The following RASSF5 variants were observed in gnomAD, a reference collection of about 807,000 sequenced individuals.
RASSF5 encodes the protein Ras association domain family member 5.
In RASSF5, 25 loss-of-function variants were observed where a neutral mutation model predicts 40.5. That is an observed-to-expected ratio of 0.62 (90% CI 0.45 to 0.86). The LOEUF (loss-of-function observed/expected upper bound fraction) is 0.86. Among genes scored for constraint, RASSF5 ranks in the 40% least tolerant of loss-of-function variants. RASSF5 has a pLI of 0.00. For synonymous variants in RASSF5, 246 were observed against 252.4 expected, an observed-to-expected ratio of 0.97 and a Z score of 0.24; for missense variants, 521 against 572.8, an observed-to-expected ratio of 0.91 and a Z score of 0.92.
intron 1 of RASSF5, among the ~76,000 whole-genome samples, chr1:206,509,958 C>T (rs1375404588): frequency 6.6e-6 from 1 of 152,126 alleles, no homozygotes; most frequent in Non-Finnish European, 1.5e-5. Context: ...CGCTCATGGT[C>T]CCCCACAGAG....
intron 1 of RASSF5, among the ~76,000 whole-genome samples, chr1:206,517,715 T>C (rs1470214716): frequency 2.0e-5 from 3 of 152,192 alleles, no homozygotes; most frequent in Non-Finnish European, 1.5e-5. Flanking sequence ...AGAACACCTG[T>C]GAGTACTGTT....
intron 1 of RASSF5, among the ~76,000 whole-genome samples, chr1:206,534,983 C>T (rs1478216454): frequency 6.6e-6 from 1 of 152,192 alleles, no homozygotes; most frequent in Non-Finnish European, 1.5e-5. Flanking sequence ...GTAATCCCAG[C>T]ACTTTGGGAG....
In RASSF5 at chr1:206,584,341, GCAAGGC is replaced by G. The variant is rs1449456620; in HGVS notation, c.691-45_691-40del. ...GGCCCCGAGTGGCAGATATGATCAT[GCAAGGC>G]GGACGGCCCTGACCCCCTGTGACAT... On this transcript the variant is annotated intron_variant, in intron 3 of 5. Transcript: ENST00000579436. This position sits in a 1 kb window ranked among gnomAD's most constrained non-coding sequence, Gnocchi z 4.9. The G allele has an allele frequency of 4.5e-6, 7 of 1,560,420 alleles. No homozygotes were observed. The highest frequency in any genetic ancestry group is 5.2e-6 in the Non-Finnish European group (6 of 1,151,018).
At chr1:206,570,308 G>GGTCT (rs1668408281) in intron 2 of RASSF5, among the ~76,000 whole-genome samples, 1 of 151,796 alleles carries the variant, frequency 6.6e-6, no homozygotes, top group South Asian at 2.1e-4. Flanking sequence ...TGGTCAGGAT[G>GGTCT]GTCTCAGACT....
chr1:206,520,645 G>A (rs1393420204), intron 1 of RASSF5, among the ~76,000 whole-genome samples: 1 of 151,464 alleles, frequency 6.6e-6, no homozygotes, highest in Non-Finnish European at 1.5e-5. Flanking sequence ...CAGGCTTGGA[G>A]CCAGGCTGCC....
At position 206,507,544 on chromosome 1, in the gene RASSF5, C is replaced by T; in HGVS notation, c.-59C>T. ...GGGCGGCCCCTTCTCTCGGGGCTGG[C>T]TCGGGAGTAGCGCAGTCGCCAAAGC... On this transcript the variant is annotated 5_prime_UTR_variant, in exon 1 of 6. Coordinates refer to ENST00000579436, the MANE Select transcript of RASSF5 (RefSeq NM_182663.4). 7.5e-7 allele frequency: 1 copy of T among 1,332,466 alleles called. No homozygotes were observed. The highest frequency in any genetic ancestry group is 3.2e-5 in the Admixed American group (1 of 31,700). 82.5% of individuals were successfully genotyped at this position (1,332,466 alleles called of 1,614,324 possible). A position where few individuals can be genotyped will look rare whatever the true frequency, so the allele number is the denominator to read the frequency against.
At chr1:206,533,195 A>G (rs1215178043) in intron 1 of RASSF5, among the ~76,000 whole-genome samples, 3 of 152,176 alleles carry the variant, frequency 2.0e-5, no homozygotes, top group African/African-American at 7.2e-5. Context: ...CCTGTGGGCC[A>G]TGTTTGAAGT....
chr1:206,531,771 C>T lies in RASSF5; in HGVS notation c.458-6401C>T, dbSNP rs533818111. Among the ~76,000 whole-genome samples the T allele has an allele frequency of 6.6e-6, 1 of 152,254 alleles. No homozygotes were observed. Among genetic ancestry groups the T allele is most frequent in the East Asian group, 1.9e-4 (1 of 5,180 alleles). On this transcript the variant is annotated intron_variant, in intron 1 of 5. Transcript: ENST00000579436. The surrounding 1 kb of genome is among the most constrained non-coding windows in gnomAD (Gnocchi z 4.7). ...CCTTTTAAAACTTTGGTAAATTGAG[C>T]CAGGCACGGTAATCCCAGAACTTTG...
intron 2 of RASSF5, among the ~76,000 whole-genome samples, chr1:206,575,181 C>T (rs1324324653): frequency 6.6e-6 from 1 of 152,102 alleles, no homozygotes; most frequent in South Asian, 2.1e-4. Flanking sequence ...TGCCTGCAGA[C>T]GTTCCCATCT....
intron 1 of RASSF5, among the ~76,000 whole-genome samples, chr1:206,537,046 C>T (rs1553398769): frequency 2.0e-5 from 3 of 152,160 alleles, no homozygotes; most frequent in African/African-American, 7.2e-5. Flanking sequence ...GCCCTTCCCT[C>T]GCCTCCCTGA....
Position 206,534,787 on chromosome 1 carries a change from G to C in RASSF5, c.458-3385G>C, listed in dbSNP as rs190576895. Among the ~76,000 whole-genome samples, 179 of 152,324 alleles carry C rather than the reference G, an allele frequency of 1.2e-3. 1 individual carries two copies. Among genetic ancestry groups the C allele is most frequent in the African/African-American group, 3.7e-3 (155 of 41,576 alleles). On this transcript the variant is annotated intron_variant, in intron 1 of 5. Coordinates refer to ENST00000579436, the MANE Select transcript of RASSF5 (RefSeq NM_182663.4). The stretch of plus-strand genomic sequence containing the variant: ...CTAATTCATCCTCACCCTCGGGCTA[G>C]CACAGAGCACGAGGAAGCCCCCATG...
chr1:206,509,258 T>G (rs1666551702), intron 1 of RASSF5, among the ~76,000 whole-genome samples: 1 of 152,228 alleles, frequency 6.6e-6, no homozygotes, highest in Non-Finnish European at 1.5e-5. Context: ...GCCTGCAGTC[T>G]GCAGCGGAGG....
Position 206,507,983 on chromosome 1 carries a change from G to C in RASSF5, c.381G>C (p.Glu127Asp), listed in dbSNP as rs1013236058. Reference sequence around the variant, plus strand: ...GAGGCGAGGGGCACTGCTTCGCCGAGTTGGTGCTGCCGGGCGGCCCCGGCT... The same window carrying C: ...GAGGCGAGGGGCACTGCTTCGCCGACTTGGTGCTGCCGGGCGGCCCCGGCT... ...AERGEGHCFA[E>D]LVLPGGPGWC... is the part of the protein sequence containing the mutation. Residue 127 changes from glutamate (E) to aspartate (D), a missense_variant, in exon 1 of 6, where the codon GAG becomes GAC. Physicochemically the swap from Glu to Asp is conservative, Grantham distance 45 (BLOSUM62 2). Transcript: ENST00000579436. 1 of 1,535,104 alleles carries C rather than the reference G, an allele frequency of 6.5e-7. No homozygotes were observed. The highest frequency in any genetic ancestry group is 1.7e-4 in the Middle Eastern group (1 of 5,740).
At chr1:206,571,180 T>TA (rs1553404145) in intron 2 of RASSF5, 1 of 152,230 alleles carries the variant, frequency 6.6e-6, no homozygotes, top group African/African-American at 2.4e-5. Context: ...TGCATTGCCC[T>TA]AATGATTAGT....
intron 2 of RASSF5, among the ~76,000 whole-genome samples, chr1:206,547,425 A>G (rs868934925): frequency 1.3e-5 from 2 of 151,802 alleles, no homozygotes; most frequent in South Asian, 2.1e-4. Flanking sequence ...CCTGAACCCT[A>G]TTGTGAACTG....
At chr1:206,544,039 A>G (rs1667613325) in intron 2 of RASSF5, 1 of 152,368 alleles carries the variant, frequency 6.6e-6, no homozygotes, top group East Asian at 1.9e-4. Context: ...GGTGTAAGCC[A>G]CTGCACCTGG....
intron 1 of RASSF5, among the ~76,000 whole-genome samples, chr1:206,537,607 C>A (rs1667449627): frequency 6.6e-6 from 1 of 152,184 alleles, no homozygotes; most frequent in African/African-American, 2.4e-5. Context: ...ACCAGTCAAG[C>A]ATCCCAAATT....
At chr1:206,553,233 A>G (rs188700146) in intron 2 of RASSF5, among the ~76,000 whole-genome samples, 1 of 152,156 alleles carries the variant, frequency 6.6e-6, no homozygotes, top group African/African-American at 2.4e-5. Flanking sequence ...GGGCTCAGTA[A>G]ATATTTGCTA....
At chr1:206,583,410 C>T in intron 3 of RASSF5, 31 bp downstream of exon 3, 1 of 1,457,444 alleles carries the variant, frequency 6.9e-7, no homozygotes, top group Non-Finnish European at 9.6e-7. Flanking sequence ...AACCTGGCCC[C>T]TGCTCCACCA....
Sources: gnomAD v4.1 joint callset for allele counts (sites outside exome capture counted in the v4.1 genomes callset) on GRCh38, gnomAD v4.1.1 for gene constraint, Gnocchi (gnomAD v3.1) non-coding constraint, MANE v1.5 for transcripts, NCBI Gene and HGNC (gene_info 2026-07-23, HGNC 2026-07-21) for gene names.